Variants in ENDOU observed in about 807,000 individuals in gnomAD.
The protein encoded by ENDOU is endonuclease, poly(U) specific.
ENDOU carries 49 observed loss-of-function variants against 54.2 expected under a neutral mutation model. The observed-to-expected ratio is 0.90, with a 90% confidence interval of 0.72 to 1.15. The LOEUF (loss-of-function observed/expected upper bound fraction) is 1.15, where lower values mean the gene tolerates loss of function less well. Among genes scored for constraint, ENDOU ranks in the 50% most tolerant of loss-of-function variants. ENDOU has a pLI of 0.00. For missense variants in ENDOU, 458 were observed against 511.4 expected, an observed-to-expected ratio of 0.90 and a Z score of 1.01; for synonymous variants, 172 against 190.5, an observed-to-expected ratio of 0.90 and a Z score of 0.80.
rs1339059657 is a variant in ENDOU at position 47,710,754 on chromosome 12, C to A, written c.*48G>T. 1.6e-6 allele frequency: 2 copies of A among 1,268,588 alleles called. No individual in the cohort carries two copies. The highest frequency in any genetic ancestry group is 2.9e-5 in the African/African-American group (2 of 68,294). 78.6% of individuals were successfully genotyped at this position (1,268,588 alleles called of 1,614,324 possible). On this transcript the variant is annotated 3_prime_UTR_variant, in exon 10 of 10. Coordinates refer to ENST00000422538, the MANE Select transcript of ENDOU (RefSeq NM_001172439.2). ...TCTCTCTAGTCCAGAGAAGATAGCA[C>A]TTCAGTCTCGCAAGAGCCCTCATGC... is the stretch of plus-strand genomic sequence containing the variant.
At chr12:47,715,866 G>A (rs879343635) in intron 6 of ENDOU, among the ~76,000 whole-genome samples, 5 of 152,270 alleles carry the variant, frequency 3.3e-5, no homozygotes, top group South Asian at 2.1e-4. Flanking sequence ...CAGCCAACCC[G>A]ATTCCTGGAC....
Position 47,711,028 on chromosome 12 carries a change from C to T in ENDOU, c.1116-109G>A. 3 of 655,534 alleles carry T rather than the reference C, an allele frequency of 4.6e-6. No individual in the cohort carries two copies. The South Asian group carries it at 6.1e-5, about 13-fold the overall frequency. 40.6% of individuals were successfully genotyped at this position (655,534 alleles called of 1,614,324 possible). A position where few individuals can be genotyped will look rare whatever the true frequency, so the allele number is the denominator to read the frequency against. ...GCAGAAGGGCTCCATTCTGCTTAAA[C>T]AGCCTTAAAGACAGAGCTGGCACTG... On this transcript the variant is annotated intron_variant, in intron 9 of 9. Coordinates refer to ENST00000422538, the MANE Select transcript of ENDOU (RefSeq NM_001172439.2).
rs1193280996 is a variant in ENDOU at position 47,718,284 on chromosome 12, G to A, written c.179-90C>T. The A allele has an allele frequency of 1.2e-5, 14 of 1,212,326 alleles. 1 individual carries two copies. The highest frequency in any genetic ancestry group is 1.5e-5 in the African/African-American group (1 of 66,478). 75.1% of individuals were successfully genotyped at this position (1,212,326 alleles called of 1,614,324 possible). A position where few individuals can be genotyped will look rare whatever the true frequency, so the allele number is the denominator to read the frequency against. On this transcript the variant is annotated intron_variant, in intron 2 of 9. Coordinates refer to ENST00000422538, the MANE Select transcript of ENDOU (RefSeq NM_001172439.2). Reference sequence around the variant, plus strand: ...GTTCTCTGTTTCCCCAGCCTCAGGGGACAAGCAAGGGCACTGGAAGCAAAT... The same window carrying A: ...GTTCTCTGTTTCCCCAGCCTCAGGGAACAAGCAAGGGCACTGGAAGCAAAT...
intron 6 of ENDOU, among the ~76,000 whole-genome samples, chr12:47,715,898 A>T (rs1940208517): frequency 6.6e-6 from 1 of 152,052 alleles, no homozygotes; most frequent in African/African-American, 2.4e-5. Flanking sequence ...AGGAGGGAGT[A>T]GAGTCAGCGA....
chr12:47,717,072 G>T lies in ENDOU; in HGVS notation c.383-14C>A. 6.2e-7 allele frequency: 1 copy of T among 1,613,486 alleles called. No homozygotes were observed. Among genetic ancestry groups the T allele is most frequent in the Non-Finnish European group, 8.5e-7 (1 of 1,179,578 alleles). On this transcript the variant is annotated splice_polypyrimidine_tract_variant and intron_variant, in intron 4 of 9. Transcript: ENST00000422538. Reference sequence around the variant, plus strand: ...TGTGGGAGACCTCTGGGAGGAATTGGAAGAGGGGTGGCCTCAGAGCCAGAG... The same window carrying T: ...TGTGGGAGACCTCTGGGAGGAATTGTAAGAGGGGTGGCCTCAGAGCCAGAG...
chr12:47,716,157 T>A, intron 6 of ENDOU, 143 bp downstream of exon 6: 1 of 802,022 alleles, frequency 1.2e-6, no homozygotes, highest in East Asian at 2.5e-5. Flanking sequence ...CCTGGCCTCA[T>A]CCCTCATCCC....
Position 47,718,023 on chromosome 12 carries a change from T to C in ENDOU, c.244+106A>G, listed in dbSNP as rs1274797805. Reference sequence around the variant, plus strand: ...CAGAATCCAACAAGCCTCTCTCATCTGGCTGAGGCCTGGGCCTGGTGCCAC... The same window carrying C: ...CAGAATCCAACAAGCCTCTCTCATCCGGCTGAGGCCTGGGCCTGGTGCCAC... On this transcript the variant is annotated intron_variant, in intron 3 of 9. Transcript: ENST00000422538. The C allele has an allele frequency of 6.9e-6, 7 of 1,008,240 alleles. No individual in the cohort carries two copies. The Admixed American group carries it at 8.9e-5, about 13-fold the overall frequency. The allele number at this position is 1,008,240 out of a possible 1,614,324, so 62.5% of individuals were successfully genotyped here. A position where few individuals can be genotyped will look rare whatever the true frequency, so the allele number is the denominator to read the frequency against.
Position 47,716,993 on chromosome 12 carries a change from T to C in ENDOU, c.448A>G (p.Arg150Gly). The change falls in exon 5 of 10, where the codon AGG becomes GGG. Residue 150 changes from arginine (R) to glycine (G), a missense_variant. Physicochemically the swap from Arg to Gly is moderately radical, Grantham distance 125. Coordinates refer to ENST00000422538, the MANE Select transcript of ENDOU (RefSeq NM_001172439.2). ...EIQSISEKIYRADTNKAQKED... is the reference protein window; with the variant it reads ...EIQSISEKIYGADTNKAQKED... ...TTCTGGGCTTTGTTGGTGTCTGCCC[T>C]GTAGATCTTCTCAGAGATGCTCTGA... is the stretch of plus-strand genomic sequence containing the variant. 1 of 1,614,096 alleles carries C rather than the reference T, an allele frequency of 6.2e-7. No homozygotes were observed. Among genetic ancestry groups the C allele is most frequent in the Non-Finnish European group, 8.5e-7 (1 of 1,179,924 alleles).
chr12:47,723,742 C>T (rs921369771), intron 1 of ENDOU, among the ~76,000 whole-genome samples: 8 of 152,186 alleles, frequency 5.3e-5, no homozygotes, highest in African/African-American at 1.9e-4. Flanking sequence ...ACATCCTACA[C>T]ATCTGTACCG....
intron 3 of ENDOU, 138 bp from the exon 4 acceptor site, chr12:47,717,793 A>C: frequency 1.2e-6 from 1 of 836,294 alleles, no homozygotes; most frequent in Non-Finnish European, 1.9e-6. Flanking sequence ...AACAAACCTA[A>C]TTCGTGCACA....
At chr12:47,713,032 C>G (rs1283681325) in intron 7 of ENDOU, among the ~76,000 whole-genome samples, 2 of 152,106 alleles carry the variant, frequency 1.3e-5, no homozygotes, top group Admixed American at 1.3e-4. Context: ...AGATGTACCC[C>G]CTTGGGAGCC....
intron 4 of ENDOU, 65 bp downstream of exon 4, chr12:47,717,453 A>G (rs547846949): frequency 6.4e-7 from 1 of 1,559,638 alleles, no homozygotes; most frequent in East Asian, 2.3e-5. Context: ...CAGGGACCAC[A>G]TGTTGAGAAC....
Position 47,716,497 on chromosome 12 carries a change from A to C in ENDOU, c.554T>G (p.Leu185Arg). 6.2e-7 allele frequency: 1 copy of C among 1,613,222 alleles called. No homozygotes were observed. The highest frequency in any genetic ancestry group is 8.5e-7 in the Non-Finnish European group (1 of 1,179,974). The change falls in exon 6 of 10, where the codon CTC becomes CGC. Residue 185 changes from leucine to arginine, a missense_variant and splice_region_variant. Leu to Arg is a moderately radical substitution (Grantham distance 102). Coordinates refer to ENST00000422538, the MANE Select transcript of ENDOU (RefSeq NM_001172439.2). Reference protein sequence around the residue: ...RNQVDRCPKPLFTYVNEKLFS... With the variant: ...RNQVDRCPKPRFTYVNEKLFS... ...CAGCTTCTCATTGACATAAGTGAAG[A>C]GTCTGGGGGAGGCAGAGGGGAGCCC...
At chr12:47,716,256 T>C (rs1243671693) in intron 6 of ENDOU, 44 bp downstream of exon 6, 3 of 1,602,278 alleles carry the variant, frequency 1.9e-6, no homozygotes, top group Non-Finnish European at 2.6e-6. Flanking sequence ...CTGGCTTCGC[T>C]CAGACAGACT....
chr12:47,716,181 C>G (rs898668214), intron 6 of ENDOU, 119 bp downstream of exon 6: 13 of 973,464 alleles, frequency 1.3e-5, no homozygotes, highest in Non-Finnish European at 1.8e-5. Context: ...CAGATGTACA[C>G]TGACCTCCAC....
intron 4 of ENDOU, 49 bp from the exon 5 acceptor site, chr12:47,717,107 G>A (rs756196252): frequency 9.1e-5 from 143 of 1,570,484 alleles, no homozygotes; most frequent in Non-Finnish European, 1.2e-4. Flanking sequence ...GGGAAAGGGG[G>A]GCGGGCAGGA....
chr12:47,716,208 C>A, intron 6 of ENDOU, 92 bp downstream of exon 6: 2 of 1,250,182 alleles, frequency 1.6e-6, no homozygotes, highest in Non-Finnish European at 2.3e-6. Context: ...CCCACCGCCT[C>A]CTCACCTGCC....
At chr12:47,717,813 G>A (rs935990582) in intron 3 of ENDOU, 158 bp from the exon 4 acceptor site, 3 of 712,794 alleles carry the variant, frequency 4.2e-6, no homozygotes, top group East Asian at 2.6e-5. Context: ...ACCCTTCACA[G>A]TCAGGAAGTC....
chr12:47,724,539 C>T (rs1286061047), intron 1 of ENDOU, among the ~76,000 whole-genome samples: 1 of 152,124 alleles, frequency 6.6e-6, no homozygotes, highest in Non-Finnish European at 1.5e-5. Flanking sequence ...TTAATCCTTT[C>T]CACAGTCCTA....
Sources: gnomAD v4.1 joint callset for allele counts (sites outside exome capture counted in the v4.1 genomes callset) on GRCh38, gnomAD v4.1.1 for gene constraint, MANE v1.5 for transcripts, NCBI Gene and HGNC (gene_info 2026-07-23, HGNC 2026-07-21) for gene names.